Variants in BCAS3 observed in about 807,000 individuals in gnomAD.
The protein encoded by BCAS3 is BCAS3 microtubule associated cell migration factor.
BCAS3 carries 53 observed loss-of-function variants against 116.1 expected under a neutral mutation model. The ratio of observed to expected loss-of-function variants is 0.46; its 90% confidence interval spans 0.37 to 0.57. BCAS3 has a LOEUF of 0.57. BCAS3 is among the 20% of genes least tolerant of loss of function. The pLI is 0.00. For synonymous variants in BCAS3, 391 were observed against 408.2 expected (o/e 0.96, Z 0.51); for missense variants, 917 against 1,165.4 (o/e 0.79, Z 3.10).
intron 7 of BCAS3, among the ~76,000 whole-genome samples, chr17:60,861,171 C>G (rs538406560): frequency 1.4e-4 from 21 of 152,184 alleles, no homozygotes; most frequent in Non-Finnish European, 2.4e-4. Flanking sequence ...CTTTTTTCAG[C>G]AGCATTTTGT....
intron 2 of BCAS3, among the ~76,000 whole-genome samples, chr17:60,683,505 C>CTTTTTTTT (rs138663451): frequency 1.1e-4 from 5 of 44,464 alleles, no homozygotes; most frequent in Admixed American, 3.4e-4. Flanking sequence ...AAGAGTTAGC[C>CTTTTTTTT]TTTTTTTTTT....
intron 22 of BCAS3, among the ~76,000 whole-genome samples, chr17:61,357,437 A>C (rs1430834739): frequency 6.7e-6 from 1 of 149,620 alleles, no homozygotes; most frequent in Non-Finnish European, 1.5e-5. Context: ...CTCTAAAAAA[A>C]AAAAATTTTT....
chr17:61,129,213 T>C (rs1243889315), intron 22 of BCAS3, among the ~76,000 whole-genome samples: 1 of 152,228 alleles, frequency 6.6e-6, no homozygotes, highest in South Asian at 2.1e-4. Context: ...CAATTTTCTT[T>C]TCTCAAAAGA....
chr17:61,335,853 A>G (rs1346395938), intron 22 of BCAS3, among the ~76,000 whole-genome samples: 3 of 152,268 alleles, frequency 2.0e-5, no homozygotes, highest in African/African-American at 7.2e-5. Context: ...CAATCTGGCC[A>G]AAAACGCAAA....
At chr17:61,031,615 C>CA (rs1313990528) in intron 16 of BCAS3, among the ~76,000 whole-genome samples, 1 of 151,814 alleles carries the variant, frequency 6.6e-6, no homozygotes, top group African/African-American at 2.4e-5. Context: ...GCTGAAATAC[C>CA]ACAATCATTC....
intron 14 of BCAS3, among the ~76,000 whole-genome samples, chr17:60,949,648 A>G (rs1041667476): frequency 1.3e-5 from 2 of 152,222 alleles, no homozygotes; most frequent in African/African-American, 2.4e-5. Context: ...ATACAGGCAT[A>G]CAATGCGTAA....
intron 22 of BCAS3, among the ~76,000 whole-genome samples, chr17:61,192,841 A>G (rs1422361716): frequency 6.6e-6 from 1 of 152,278 alleles, no homozygotes; most frequent in African/African-American, 2.4e-5. Flanking sequence ...ATTATAATTT[A>G]CTTACATGGA....
At position 61,219,794 on chromosome 17, in the gene BCAS3, C is replaced by T. The variant is rs1396902305; in HGVS notation, c.2425+135230C>T. Among the ~76,000 whole-genome samples the T allele has an allele frequency of 6.6e-6, 1 of 152,022 alleles. No homozygotes were observed. The highest frequency in any genetic ancestry group is 1.5e-5 in the Non-Finnish European group (1 of 68,008). ...ACAAGCACTTCTTATTTGGGCTGAG[C>T]AGTACTAGGACTTGAATTCCAGAGA... On this transcript the variant is annotated intron_variant, in intron 22 of 23. Transcript: ENST00000407086. The surrounding 1 kb of genome is among the most constrained non-coding windows in gnomAD (Gnocchi z 5.2).
At chr17:61,267,050 G>T (rs911677151) in intron 22 of BCAS3, among the ~76,000 whole-genome samples, 1 of 152,140 alleles carries the variant, frequency 6.6e-6, no homozygotes, top group South Asian at 2.1e-4. Flanking sequence ...TTAATTTTTT[G>T]TGTTGTTGTT....
chr17:60,687,235 C>T (rs182004415), intron 3 of BCAS3, among the ~76,000 whole-genome samples: 1 of 152,260 alleles, frequency 6.6e-6, no homozygotes, highest in East Asian at 1.9e-4. Flanking sequence ...AAATCGGTTG[C>T]TCTTGTTTGA....
At chr17:60,702,502 T>C (rs767096569) in intron 4 of BCAS3, among the ~76,000 whole-genome samples, 1 of 152,162 alleles carries the variant, frequency 6.6e-6, no homozygotes, top group Non-Finnish European at 1.5e-5. Flanking sequence ...TTGATTGATA[T>C]GTACTGTAGA....
intron 7 of BCAS3, among the ~76,000 whole-genome samples, chr17:60,820,349 G>A (rs1400406260): frequency 1.3e-5 from 2 of 152,130 alleles, no homozygotes; most frequent in African/African-American, 2.4e-5. Flanking sequence ...CCAGCCGACG[G>A]TGGGGCATCT....
chr17:61,333,414 G>A lies in BCAS3; in HGVS notation c.2426-34913G>A, dbSNP rs1045815493. On this transcript the variant is annotated intron_variant, in intron 22 of 23. Coordinates refer to ENST00000407086, the MANE Select transcript of BCAS3 (RefSeq NM_017679.5). The surrounding 1 kb of genome is among the most constrained non-coding windows in gnomAD (Gnocchi z 4.8). ...GCCAGGCCTAGGACAAAGTGGAGAC[G>A]TCCTGTGAGGCAGGCAGGCCTCTGT... 6.6e-6 allele frequency among the ~76,000 whole-genome samples: 1 copy of A among 152,104 alleles called. No homozygotes were observed. Among genetic ancestry groups the A allele is most frequent in the African/African-American group, 2.4e-5 (1 of 41,408 alleles).
At chr17:60,875,964 T>C (rs1288407330) in intron 9 of BCAS3, among the ~76,000 whole-genome samples, 1 of 152,048 alleles carries the variant, frequency 6.6e-6, no homozygotes, top group Non-Finnish European at 1.5e-5. Context: ...TTGAAGCATA[T>C]TGCAGACATT....
At chr17:60,708,736 G>A (rs1270259191) in intron 4 of BCAS3, among the ~76,000 whole-genome samples, 1 of 152,030 alleles carries the variant, frequency 6.6e-6, no homozygotes, top group African/African-American at 2.4e-5. Flanking sequence ...CACCACATTG[G>A]CCAGGTTGGT....
chr17:60,864,700 G>GTGGT (rs1240264479), intron 7 of BCAS3, among the ~76,000 whole-genome samples: 1 of 152,198 alleles, frequency 6.6e-6, no homozygotes, highest in African/African-American at 2.4e-5. Flanking sequence ...ACTTGGTGAT[G>GTGGT]TGGTGTAAGA....
In BCAS3 at chr17:61,141,432, T is replaced by C. The variant is rs147600830; in HGVS notation, c.2425+56868T>C. Among the ~76,000 whole-genome samples, 486 of 151,696 alleles carry C rather than the reference T, an allele frequency of 3.2e-3. 3 individuals are homozygous for C. The highest frequency in any genetic ancestry group is 0.011 in the African/African-American group (469 of 41,336). ...AAGTAACCAGGTATAGTAGCAGGAG[T>C]CCATAGTCCCAGCTACTTGGGAGGC... is the stretch of plus-strand genomic sequence containing the variant. On this transcript the variant is annotated intron_variant, in intron 22 of 23. Coordinates refer to ENST00000407086, the MANE Select transcript of BCAS3 (RefSeq NM_017679.5). The surrounding 1 kb of genome is among the most constrained non-coding windows in gnomAD (Gnocchi z 4.3).
At position 61,141,797 on chromosome 17, in the gene BCAS3, A is replaced by T. The variant is rs2076931808; in HGVS notation, c.2425+57233A>T. On this transcript the variant is annotated intron_variant, in intron 22 of 23. Coordinates refer to ENST00000407086, the MANE Select transcript of BCAS3 (RefSeq NM_017679.5). The surrounding 1 kb of genome is among the most constrained non-coding windows in gnomAD (Gnocchi z 4.3). ...ACGCCTGTAGTCCCAACTACTCAGG[A>T]GGCTGAGGCAGGAGAATCGCTTGAA... 6.6e-6 allele frequency among the ~76,000 whole-genome samples: 1 copy of T among 150,742 alleles called. No individual in the cohort carries two copies. Among genetic ancestry groups the T allele is most frequent in the African/African-American group, 2.4e-5 (1 of 40,998 alleles).
chr17:60,902,520 C>A, intron 10 of BCAS3, 100 bp from the exon 11 acceptor site: 1 of 937,982 alleles, frequency 1.1e-6, no homozygotes, highest in South Asian at 1.5e-5. Flanking sequence ...CCACCCATCA[C>A]CATCACTGTT....
Sources: gnomAD v4.1 joint callset for allele counts (sites outside exome capture counted in the v4.1 genomes callset) on GRCh38, gnomAD v4.1.1 for gene constraint, Gnocchi (gnomAD v3.1) non-coding constraint, MANE v1.5 for transcripts, NCBI Gene and HGNC (gene_info 2026-07-23, HGNC 2026-07-21) for gene names.